The following RP2 variants were observed in gnomAD, a reference collection of about 807,000 sequenced individuals.
RP2 encodes the protein protein XRP2.
A neutral mutation model predicts 20.3 loss-of-function variants in RP2; 3 were observed. That is an observed-to-expected ratio of 0.15 (90% CI 0.07 to 0.38). The LOEUF is 0.38. RP2 is among the 10% of genes least tolerant of loss of function. RP2 has a pLI of 1.00. For missense variants in RP2, 233 were observed against 268.5 expected, an observed-to-expected ratio of 0.87 and a Z score of 0.92; for synonymous variants, 75 against 94.8, an observed-to-expected ratio of 0.79 and a Z score of 1.22.
At position 46,879,839 on chromosome X, in the gene RP2, CTTTT is replaced by C; in HGVS notation, c.*71_*74del. On this transcript the variant is annotated 3_prime_UTR_variant, in exon 5 of 5. Transcript: ENST00000218340. ...TGTGAATATAGAATTTGATAATACA[CTTTT>C]GTGTATTAGCAATGGTTTTTACTAA... 7.8e-6 allele frequency: 5 copies of C among 641,898 alleles called. No homozygotes were observed. Among genetic ancestry groups the C allele is most frequent in the South Asian group, 3.2e-5 (1 of 31,070 alleles). The allele number at this position is 641,898 out of a possible 1,213,427, so 52.9% of individuals were successfully genotyped here. A position where few individuals can be genotyped will look rare whatever the true frequency, so the allele number is the denominator to read the frequency against.
At chrX:46,867,321 G>A (rs998110106) in intron 3 of RP2, among the ~76,000 whole-genome samples, 200 of 112,311 alleles carry the variant, frequency 1.8e-3, no homozygotes, top group African/African-American at 6.1e-3. Flanking sequence ...GGCTGGTCTC[G>A]AACTCCCGAC....
At chrX:46,853,320 A>G (rs1211937982) in intron 1 of RP2, among the ~76,000 whole-genome samples, 156 bp from the exon 2 acceptor site, 9 of 111,923 alleles carry the variant, frequency 8.0e-5, no homozygotes, top group African/African-American at 2.9e-4. Flanking sequence ...GAGAGAAACA[A>G]TTTGTCCTGT....
rs1924900874 is a variant in RP2 at position 46,853,691 on chromosome X, A to C, written c.318A>C (p.Arg106Ser). The change falls in exon 2 of 5, where the codon AGA (arginine) becomes AGC (serine). Residue 106 changes from arginine to serine, a missense_variant. Physicochemically the swap from Arg to Ser is moderately radical, Grantham distance 110 (BLOSUM62 -1). Coordinates refer to ENST00000218340, the MANE Select transcript of RP2 (RefSeq NM_006915.3). ...GCAGCGTGTTTTTCCGGAATTGCAGAGATTGCAAGTGCACATTAGCCTGCC... is the reference window on the plus strand; with the variant it reads ...GCAGCGTGTTTTTCCGGAATTGCAGCGATTGCAAGTGCACATTAGCCTGCC... ...VKGSVFFRNC[R>S]DCKCTLACQQ... 4.1e-6 allele frequency: 5 copies of C among 1,210,418 alleles called. No homozygotes were observed. The African/African-American group carries it at 8.7e-5, about 21-fold the overall frequency.
chrX:46,852,384 G>A (rs1261802942), intron 1 of RP2, among the ~76,000 whole-genome samples: 1 of 112,000 alleles, frequency 8.9e-6, no homozygotes, highest in Admixed American at 9.5e-5. Context: ...GAAAAATTGC[G>A]TTGTAGCTTA....
intron 3 of RP2, among the ~76,000 whole-genome samples, chrX:46,860,972 A>C (rs1925051569): frequency 8.9e-6 from 1 of 112,006 alleles, no homozygotes; most frequent in African/African-American, 3.3e-5. Flanking sequence ...GTATTAATGC[A>C]GTATTTGATA....
intron 1 of RP2, among the ~76,000 whole-genome samples, chrX:46,852,812 G>A (rs2147080954): frequency 9.0e-6 from 1 of 110,874 alleles, no homozygotes. Context: ...CGAACTCCTG[G>A]TCTCATCTGA....
rs1925452398 is a variant in RP2, at chrX:46,880,539, C to T, written c.*770C>T. 9.0e-6 allele frequency: 1 copy of T among 111,607 alleles called. No individual in the cohort carries two copies. Among genetic ancestry groups the T allele is most frequent in the Non-Finnish European group, 1.9e-5 (1 of 53,046 alleles). The allele number at this position is 111,607 out of a possible 1,213,427, so 9.2% of individuals were successfully genotyped here. On this transcript the variant is annotated 3_prime_UTR_variant, in exon 5 of 5. Transcript: ENST00000218340. Reference sequence around the variant, plus strand: ...GCTAAAACTGTAGAAGCCCAATCACCAGCAGTTTTTAAAAAGGTGATAACT... The same window carrying T: ...GCTAAAACTGTAGAAGCCCAATCACTAGCAGTTTTTAAAAAGGTGATAACT...
rs1925451310 is a variant in RP2 at position 46,880,466 on chromosome X, A to AG, written c.*697_*698insG. 1 of 112,024 alleles carries AG rather than the reference A, an allele frequency of 8.9e-6. No individual in the cohort carries two copies. Among genetic ancestry groups the AG allele is most frequent in the South Asian group, 3.6e-4 (1 of 2,752 alleles). The allele number at this position is 112,024 out of a possible 1,213,427, so 9.2% of individuals were successfully genotyped here. The stretch of plus-strand genomic sequence containing the variant: ...ACACATTGTTTAGTTTTTTAATACA[A>AG]CTGCTATATGACTCTTCTGCTTCCT... On this transcript the variant is annotated 3_prime_UTR_variant, in exon 5 of 5. Transcript: ENST00000218340.
At chrX:46,849,339 C>T (rs1337661048) in intron 1 of RP2, among the ~76,000 whole-genome samples, 1 of 110,319 alleles carries the variant, frequency 9.1e-6, no homozygotes, top group Non-Finnish European at 1.9e-5. Flanking sequence ...TACAGGCGCA[C>T]ACCACCATGC....
intron 1 of RP2, among the ~76,000 whole-genome samples, chrX:46,837,408 CGGAA>C (rs1556313677): frequency 2.7e-5 from 3 of 111,503 alleles, no homozygotes; most frequent in Non-Finnish European, 5.7e-5. Context: ...TGTGGAGCTC[CGGAA>C]GGAGCCTTAG....
chrX:46,853,290 A>C (rs1480200581), intron 1 of RP2, among the ~76,000 whole-genome samples, 186 bp from the exon 2 acceptor site: 2 of 111,651 alleles, frequency 1.8e-5, no homozygotes, highest in Non-Finnish European at 1.9e-5. Flanking sequence ...GACTAAGATC[A>C]TAGGTTTTAT....
intron 3 of RP2, among the ~76,000 whole-genome samples, chrX:46,860,336 A>T (rs998525300): frequency 9.0e-5 from 10 of 110,553 alleles, no homozygotes; most frequent in African/African-American, 3.3e-4. Flanking sequence ...TAGTACTGAA[A>T]GTCACATTTT....
intron 3 of RP2, among the ~76,000 whole-genome samples, chrX:46,870,069 T>C (rs1925262864): frequency 8.9e-6 from 1 of 111,739 alleles, no homozygotes; most frequent in Admixed American, 9.5e-5. Context: ...TTTCCTCAGT[T>C]TAGGAGCCAT....
At chrX:46,862,600 C>T (rs1169851909) in intron 3 of RP2, among the ~76,000 whole-genome samples, 1 of 110,530 alleles carries the variant, frequency 9.0e-6, no homozygotes, top group African/African-American at 3.3e-5. Context: ...GTGGAGCTTG[C>T]AGTGAGCCAA....
At position 46,854,034 on chromosome X, in the gene RP2, G is replaced by C; in HGVS notation, c.661G>C (p.Val221Leu). ...RVSTEANRSI[V>L]PISRGQRQKS... ...TTCCACAGAAGCCAATAGAAGCATT[G>C]TTCCAATATCCCGGGGTCAGAGACA... The change falls in exon 2 of 5, where the codon GTT (valine) becomes CTT (leucine). Residue 221 changes from valine (V) to leucine (L), a missense_variant. This residue lies in a region of RP2 where 118 missense variants were observed against 123.8 expected (regional missense o/e 0.95). Transcript: ENST00000218340. 3 of 1,211,794 alleles carry C rather than the reference G, an allele frequency of 2.5e-6. No homozygotes were observed. The highest frequency in any genetic ancestry group is 3.4e-6 in the Non-Finnish European group (3 of 895,441).
chrX:46,866,917 T>C (rs782277962), intron 3 of RP2, among the ~76,000 whole-genome samples: 2 of 111,523 alleles, frequency 1.8e-5, no homozygotes, highest in Non-Finnish European at 3.8e-5. Context: ...GTGGCCCCTT[T>C]AGTCAGTCAA....
At chrX:46,856,238 A>T (rs1556319198) in intron 2 of RP2, among the ~76,000 whole-genome samples, 3 of 112,100 alleles carry the variant, frequency 2.7e-5, no homozygotes, top group African/African-American at 9.7e-5. Flanking sequence ...TAGCATGTTT[A>T]AAGAAAAAGC....
chrX:46,870,027 C>T (rs190967737), intron 3 of RP2, among the ~76,000 whole-genome samples: 1 of 112,591 alleles, frequency 8.9e-6, no homozygotes, highest in Admixed American at 9.4e-5. Flanking sequence ...CAAAGCTTAT[C>T]TAACACATTT....
chrX:46,847,779 C>CACACGTGTGTGTGTGTGTATATAT (rs1569531400), intron 1 of RP2, among the ~76,000 whole-genome samples: 5 of 81,983 alleles, frequency 6.1e-5, no homozygotes, highest in Non-Finnish European at 1.2e-4. Flanking sequence ...TGTGTGTGTA[C>CACACGTGTGTGTGTGTGTATATAT]ATACACACAT....
Sources: gnomAD v4.1 joint callset for allele counts (sites outside exome capture counted in the v4.1 genomes callset) on GRCh38, gnomAD v4.1.1 for gene constraint, gnomAD v4.1.1 regional missense constraint, MANE v1.5 for transcripts, NCBI Gene and HGNC (gene_info 2026-07-23, HGNC 2026-07-21) for gene names.